The following FMN1 variants were observed in gnomAD, a reference collection of about 807,000 sequenced individuals.
FMN1 encodes formin-1.
Under a neutral mutation model 132.4 loss-of-function variants are expected in FMN1, and 110 were observed. The ratio of observed to expected loss-of-function variants is 0.83; its 90% CI spans 0.71 to 0.97. The LOEUF (loss-of-function observed/expected upper bound fraction) is 0.97, where lower values mean the gene tolerates loss of function less well. Ranked by LOEUF, FMN1 falls within the 50% of genes least tolerant of loss-of-function variation. The pLI is 0.00. For synonymous variants in FMN1, 722 were observed against 651.7 expected (o/e 1.11, Z -1.64); for missense variants, 1,792 against 1,705.3 (o/e 1.05, Z -0.90).
intron 10 of FMN1, 115 bp downstream of exon 10, chr15:32,926,059 T>C (rs1169347125): frequency 6.3e-6 from 4 of 636,342 alleles, no homozygotes; most frequent in Non-Finnish European, 8.2e-6. Context: ...AGCTGAGTAT[T>C]GGGTATATAG....
chr15:32,940,392 TG>T lies in FMN1; in HGVS notation c.3139-14132del, dbSNP rs1163675857. On this transcript the variant is annotated intron_variant, in intron 9 of 20. Coordinates refer to ENST00000616417, the MANE Select transcript of FMN1 (RefSeq NM_001277313.2). ...TGTCTACTGCAAACAAAATAAAAAT[TG>T]TGTGTGTGTGTGTGTGTGTGTGTGT... Among the ~76,000 whole-genome samples the T allele has an allele frequency of 4.8e-3, 119 of 24,910 alleles. No homozygotes were observed. The African/African-American group carries it at 0.061, about 13-fold the overall frequency. The allele number at this position is 24,910 out of a possible 152,430, so 16.3% of individuals were successfully genotyped here. A position where few individuals can be genotyped will look rare whatever the true frequency, so the allele number is the denominator to read the frequency against.
chr15:32,915,202 T>G (rs941506887), intron 10 of FMN1, among the ~76,000 whole-genome samples: 3 of 152,178 alleles, frequency 2.0e-5, no homozygotes, highest in African/African-American at 7.2e-5. Context: ...CTAAGAGAAC[T>G]GCCTTACATG....
chr15:32,799,203 T>A (rs973134749), intron 18 of FMN1, among the ~76,000 whole-genome samples: 6 of 152,150 alleles, frequency 3.9e-5, no homozygotes. Flanking sequence ...TCAGCATGTA[T>A]AATTTCTGGG....
chr15:33,191,309 T>G (rs896315824), intron 2 of FMN1, among the ~76,000 whole-genome samples: 1 of 152,192 alleles, frequency 6.6e-6, no homozygotes, highest in Non-Finnish European at 1.5e-5. Flanking sequence ...AAGGAAGAGA[T>G]AGGCATAGTT....
At chr15:32,883,319 C>A (rs1210324240) in intron 16 of FMN1, among the ~76,000 whole-genome samples, 2 of 151,860 alleles carry the variant, frequency 1.3e-5, no homozygotes, top group Middle Eastern at 3.2e-3. Context: ...GCCTAGGCAA[C>A]ACAGTGAGAC....
intron 2 of FMN1, among the ~76,000 whole-genome samples, chr15:33,182,099 G>A (rs1965725603): frequency 6.6e-6 from 1 of 152,176 alleles, no homozygotes; most frequent in South Asian, 2.1e-4. Context: ...AAGCCAGTCG[G>A]GAGGTTAGTG....
chr15:33,067,533 C>A (rs780756321), intron 5 of FMN1: 2 of 1,613,940 alleles, frequency 1.2e-6, no homozygotes, highest in Non-Finnish European at 1.7e-6. Flanking sequence ...AGCTCTTGAG[C>A]AAGGAGAGAT....
chr15:32,900,529 A>G (rs911197367), intron 13 of FMN1, among the ~76,000 whole-genome samples: 16 of 152,202 alleles, frequency 1.1e-4, no homozygotes, highest in South Asian at 6.2e-4. Context: ...TTTCAGGACT[A>G]TTTATCTAGA....
chr15:33,034,538 C>G (rs548114867), intron 6 of FMN1, among the ~76,000 whole-genome samples: 1 of 152,170 alleles, frequency 6.6e-6, no homozygotes, highest in Non-Finnish European at 1.5e-5. Flanking sequence ...GATTGCACCA[C>G]TGCACTCTAG....
At chr15:32,903,605 G>A (rs1275849702) in intron 12 of FMN1, among the ~76,000 whole-genome samples, 1 of 152,198 alleles carries the variant, frequency 6.6e-6, no homozygotes, top group Non-Finnish European at 1.5e-5. Flanking sequence ...CTATCACAGT[G>A]AGCGAAGCAG....
intron 7 of FMN1, among the ~76,000 whole-genome samples, chr15:32,986,151 C>A (rs1488400914): frequency 1.3e-5 from 2 of 151,994 alleles, no homozygotes; most frequent in Non-Finnish European, 2.9e-5. Context: ...ATTAAGCTTA[C>A]CAAAAATATC....
chr15:33,063,723 G>T (rs906892340), intron 6 of FMN1: 1 of 152,080 alleles, frequency 6.6e-6, no homozygotes, highest in Admixed American at 6.5e-5. Flanking sequence ...TTCAAGTTTG[G>T]GTTAAACAGA....
intron 15 of FMN1, among the ~76,000 whole-genome samples, chr15:32,898,387 A>C (rs1304245250): frequency 6.6e-6 from 1 of 152,238 alleles, no homozygotes; most frequent in Non-Finnish European, 1.5e-5. Flanking sequence ...CCCTCTAAGC[A>C]GAAAAGATGG....
chr15:32,856,671 GACC>G (rs1436986561), intron 17 of FMN1, among the ~76,000 whole-genome samples: 4 of 152,216 alleles, frequency 2.6e-5, no homozygotes, highest in African/African-American at 9.6e-5. Flanking sequence ...TGAAATGCAT[GACC>G]ACATCTGCCT....
At position 32,783,783 on chromosome 15, in the gene FMN1, AAT is replaced by A. The variant is rs1491415064; in HGVS notation, c.4131-6866_4131-6865del. Among the ~76,000 whole-genome samples the A allele has an allele frequency of 8.2e-4, 99 of 120,188 alleles. 1 individual carries two copies. Among genetic ancestry groups the A allele is most frequent in the African/African-American group, 3.1e-3 (97 of 31,554 alleles). The allele number at this position is 120,188 out of a possible 152,430, so 78.8% of individuals were successfully genotyped here. On this transcript the variant is annotated intron_variant, in intron 19 of 20. Coordinates refer to ENST00000616417, the MANE Select transcript of FMN1 (RefSeq NM_001277313.2). ...AAAAAAAAAAAAAAAAAAAAAAAAA[AAT>A]AGTTGAAGTGGCGTGGCTTTCCATT...
intron 6 of FMN1, among the ~76,000 whole-genome samples, chr15:33,019,018 T>C (rs533230563): frequency 1.3e-4 from 20 of 152,150 alleles, no homozygotes; most frequent in Non-Finnish European, 2.8e-4. Context: ...AGAACAAAGC[T>C]TCCACCATGC....
intron 6 of FMN1, among the ~76,000 whole-genome samples, chr15:33,055,623 CA>C (rs930464527): frequency 2.7e-5 from 4 of 148,900 alleles, no homozygotes; most frequent in Non-Finnish European, 6.0e-5. Context: ...AAAAAACAAA[CA>C]AAAAAATCAA....
rs73374840 is a variant in FMN1 at position 33,020,916 on chromosome 15, T to G, written c.2162-12841A>C. Among the ~76,000 whole-genome samples, 517 of 152,334 alleles carry G rather than the reference T, an allele frequency of 3.4e-3. 2 individuals are homozygous for G. The highest frequency in any genetic ancestry group is 0.012 in the African/African-American group (500 of 41,566). The stretch of plus-strand genomic sequence containing the variant: ...TATGTTAATGTGAACGACTGGAACT[T>G]TAACAAATATTTAATCTGCTTTCAC... On this transcript the variant is annotated intron_variant, in intron 6 of 20. Transcript: ENST00000616417.
intron 16 of FMN1, chr15:32,860,577 C>T (rs1328972673): frequency 6.6e-6 from 1 of 152,234 alleles, no homozygotes; most frequent in Non-Finnish European, 1.5e-5. Flanking sequence ...CACCTGAACC[C>T]AGGGAGGTCG....
Sources: allele counts gnomAD v4.1 joint callset (sites outside exome capture counted in the v4.1 genomes callset), GRCh38; gene constraint gnomAD v4.1.1; transcripts MANE v1.5; gene names NCBI Gene and HGNC (gene_info 2026-07-23, HGNC 2026-07-21).